The following SDHA variants were observed in gnomAD, a reference collection of about 807,000 sequenced individuals.
The protein encoded by SDHA is succinate dehydrogenase [ubiquinone] flavoprotein subunit, mitochondrial.
In SDHA, 48 loss-of-function variants were observed where a neutral mutation model predicts 78.4. That is an observed-to-expected ratio of 0.61 (90% CI 0.49 to 0.78). SDHA has a LOEUF of 0.78. Among genes scored for constraint, SDHA ranks in the 30% least tolerant of loss-of-function variants. SDHA has a pLI of 0.00. For missense variants in SDHA, 680 were observed against 892.7 expected (o/e 0.76, Z 3.04); for synonymous variants, 326 against 353.9 (o/e 0.92, Z 0.88).
rs372293235 is a variant in SDHA, at chr5:228,351, A to G, written c.770+18A>G. ...GCCACAGGGTAGGAATCTCATTTCT[A>G]CTTTATTTTGTTTATAAAAATGAAT... is the stretch of plus-strand genomic sequence containing the variant. On this transcript the variant is annotated intron_variant, in intron 6 of 14. Coordinates refer to ENST00000264932, the MANE Select transcript of SDHA (RefSeq NM_004168.4). 2.5e-6 allele frequency: 4 copies of G among 1,610,480 alleles called. No individual in the cohort carries two copies. The highest frequency in any genetic ancestry group is 1.7e-6 in the Non-Finnish European group (2 of 1,177,240).
chr5:224,868 G>A (rs1179172545), intron 3 of SDHA: 1 of 382,160 alleles, frequency 2.6e-6, no homozygotes, highest in African/African-American at 2.1e-5. Context: ...GGAAGAAAAG[G>A]GCAAGGGTTT....
chr5:248,021 G>A (rs1736577414), intron 11 of SDHA, among the ~76,000 whole-genome samples: 1 of 152,200 alleles, frequency 6.6e-6, no homozygotes, highest in Admixed American at 6.5e-5. Context: ...CCTGCCTAAA[G>A]GCCAGATCTT....
intron 6 of SDHA, 48 bp from the exon 7 acceptor site, chr5:230,828 T>C (rs200374231): frequency 6.2e-7 from 1 of 1,612,374 alleles, no homozygotes; most frequent in Non-Finnish European, 8.5e-7. Flanking sequence ...AGATAGGAGG[T>C]CCAGATGTGG....
Position 251,802 on chromosome 5 carries a change from C to G in SDHA, c.1794+334C>G, listed in dbSNP as rs182694405. ...GTTTATTAAATAACGAGTAAGCCAT[C>G]ATTTCAAGCCTGCCCTGTGGAGGAA... On this transcript the variant is annotated intron_variant, in intron 13 of 14. Transcript: ENST00000264932. 3.9e-5 allele frequency: 49 copies of G among 1,251,244 alleles called. No individual in the cohort carries two copies. In the African/African-American group the frequency reaches 6.5e-4, roughly 17 times the overall value. 77.5% of individuals were successfully genotyped at this position (1,251,244 alleles called of 1,614,324 possible).
At chr5:250,824 C>G (rs1736773920) in intron 11 of SDHA, 168 bp from the exon 12 acceptor site, 1 of 662,732 alleles carries the variant, frequency 1.5e-6, no homozygotes, top group Non-Finnish European at 2.7e-6. Context: ...GTCAAAACTT[C>G]ATTTTTAAGT....
rs1235531181 is a variant in SDHA, at chr5:257,076, C to T, written c.*656C>T. Among the ~76,000 whole-genome samples, 1 of 152,134 alleles carries T rather than the reference C, an allele frequency of 6.6e-6. No individual in the cohort carries two copies. On this transcript the variant is annotated 3_prime_UTR_variant, in exon 15 of 15. Coordinates refer to ENST00000264932, the MANE Select transcript of SDHA (RefSeq NM_004168.4). Reference sequence around the variant, plus strand: ...AAGGTGCTGGAATTATAGGTGTGAACAAACCACCATGCCTGGCCTTGTAGT... The same window carrying T: ...AAGGTGCTGGAATTATAGGTGTGAATAAACCACCATGCCTGGCCTTGTAGT...
chr5:228,822 C>T (rs910088689), intron 6 of SDHA, among the ~76,000 whole-genome samples: 1 of 151,964 alleles, frequency 6.6e-6, no homozygotes, highest in African/African-American at 2.4e-5. Flanking sequence ...AGCAAAACTA[C>T]AGGTTGGGAA....
At chr5:219,213 T>G (rs10067482) in intron 1 of SDHA, among the ~76,000 whole-genome samples, 36,603 of 152,076 alleles carry the variant, frequency 0.24, 6,869 homozygotes, top group African/African-American at 0.53. Flanking sequence ...TGAGTGCCTC[T>G]AGGGCCGGGC....
At chr5:233,456 A>G (rs1382032403) in intron 7 of SDHA, 21 bp from the exon 8 acceptor site, 1 of 1,612,852 alleles carries the variant, frequency 6.2e-7, no homozygotes, top group East Asian at 2.2e-5. Context: ...TTAGGTAATA[A>G]ATATGTGTGG....
intron 14 of SDHA, among the ~76,000 whole-genome samples, chr5:254,966 G>T (rs202228677): frequency 6.6e-6 from 1 of 151,998 alleles, no homozygotes; most frequent in Non-Finnish European, 1.5e-5. Flanking sequence ...AGGGGATGTG[G>T]TGCAGCCTTT....
Position 223,497 on chromosome 5 carries a change from C to G in SDHA, c.79C>G (p.Gln27Glu), listed in dbSNP as rs1734829878. The G allele has an allele frequency of 6.2e-7, 1 of 1,613,176 alleles. No homozygotes were observed. The highest frequency in any genetic ancestry group is 8.5e-7 in the Non-Finnish European group (1 of 1,179,120). Residue 27 changes from glutamine (Q) to glutamate (E), a missense_variant, in exon 2 of 15, where the codon CAA (glutamine) becomes GAA (glutamate). By Grantham distance (29) the Gln-to-Glu change is conservative. Coordinates refer to ENST00000264932, the MANE Select transcript of SDHA (RefSeq NM_004168.4). Reference sequence around the variant, plus strand: ...GTGTCTCCAGTGGCCAACAGTGTTGCAAACAGGAACCCGAGGTTTTCACTT... The same window carrying G: ...GTGTCTCCAGTGGCCAACAGTGTTGGAAACAGGAACCCGAGGTTTTCACTT... ...ALAKAWPTVL[Q>E]TGTRGFHFTV...
rs777622021 is a variant in SDHA, at chr5:251,043, G to T, written c.1603G>T (p.Gly535Cys). 2.5e-6 allele frequency: 4 copies of T among 1,611,894 alleles called. No individual in the cohort carries two copies. The African/African-American group carries it at 5.3e-5, about 22-fold the overall frequency. The change falls in exon 12 of 15, where the codon GGT (glycine) becomes TGT (cysteine). Residue 535 changes from glycine to cysteine, a missense_variant. Coordinates refer to ENST00000264932, the MANE Select transcript of SDHA (RefSeq NM_004168.4). ...VFRVGSVLQE[G>C]CGKISKLYGD... Reference sequence around the variant, plus strand: ...CCGTGTGGGAAGCGTGTTGCAAGAAGGTTGTGGGAAAATCAGCAAGCTCTA... The same window carrying T: ...CCGTGTGGGAAGCGTGTTGCAAGAATGTTGTGGGAAAATCAGCAAGCTCTA...
At chr5:248,914 C>T (rs1206352480) in intron 11 of SDHA, 4 of 406,340 alleles carry the variant, frequency 9.8e-6, no homozygotes, top group Non-Finnish European at 1.9e-5. Flanking sequence ...ACCTCAACCT[C>T]AAATGGTATG....
chr5:238,422 T>A (rs1221262178), intron 10 of SDHA, among the ~76,000 whole-genome samples: 1 of 151,020 alleles, frequency 6.6e-6, no homozygotes, highest in Non-Finnish European at 1.5e-5. Flanking sequence ...CAAAAAAAAA[T>A]ACATATATAT....
rs750810568 is a variant in SDHA, at chr5:233,690, C to A, written c.1064+45C>A. On this transcript the variant is annotated intron_variant, in intron 8 of 14. Coordinates refer to ENST00000264932, the MANE Select transcript of SDHA (RefSeq NM_004168.4). Reference sequence around the variant, plus strand: ...AGCACTGTCTGAGCGGGCACACGGGCCGGGGTTGCTTCTGTGAGTTTCAGC... The same window carrying A: ...AGCACTGTCTGAGCGGGCACACGGGACGGGGTTGCTTCTGTGAGTTTCAGC... 6 of 1,604,488 alleles carry A rather than the reference C, an allele frequency of 3.7e-6. No homozygotes were observed. The South Asian group carries it at 5.5e-5, about 15-fold the overall frequency.
At chr5:244,906 C>T (rs996944239) in intron 11 of SDHA, among the ~76,000 whole-genome samples, 4 of 152,044 alleles carry the variant, frequency 2.6e-5, no homozygotes, top group African/African-American at 9.7e-5. Context: ...GGGGTATGTC[C>T]CTGGTATGGG....
At chr5:227,697 C>T (rs1040932115) in intron 5 of SDHA, 9 of 225,666 alleles carry the variant, frequency 4.0e-5, no homozygotes, top group East Asian at 1.1e-4. Flanking sequence ...GGAATCTGCT[C>T]GTCTGCAACC....
At position 252,811 on chromosome 5, in the gene SDHA, G is replaced by T. The variant is rs151160394; in HGVS notation, c.1794+1343G>T. 1.1e-4 allele frequency among the ~76,000 whole-genome samples: 12 copies of T among 105,212 alleles called. 1 individual carries two copies. Among genetic ancestry groups the T allele is most frequent in the African/African-American group, 2.7e-4 (5 of 18,338 alleles). The allele number at this position is 105,212 out of a possible 152,430, so 69.0% of individuals were successfully genotyped here. On this transcript the variant is annotated intron_variant, in intron 13 of 14. Coordinates refer to ENST00000264932, the MANE Select transcript of SDHA (RefSeq NM_004168.4). ...TATTAACGAGTAAGCCACCGTTTCAGACCTGCCCTGTGGAGGAAAATGCCA... is the reference window on the plus strand; with the variant it reads ...TATTAACGAGTAAGCCACCGTTTCATACCTGCCCTGTGGAGGAAAATGCCA...
At chr5:250,887 G>A in intron 11 of SDHA, 105 bp from the exon 12 acceptor site, 1 of 964,826 alleles carries the variant, frequency 1.0e-6, no homozygotes, top group Non-Finnish European at 1.7e-6. Context: ...TTTAATTTAT[G>A]TAACTTTTAA....
Sources: gnomAD v4.1 joint callset for allele counts (sites outside exome capture counted in the v4.1 genomes callset) on GRCh38, gnomAD v4.1.1 for gene constraint, MANE v1.5 for transcripts, NCBI Gene and HGNC (gene_info 2026-07-23, HGNC 2026-07-21) for gene names.